The following ADGRB1 variants were observed in gnomAD, a reference collection of about 807,000 sequenced individuals.
The protein encoded by ADGRB1 is brain-specific angiogenesis inhibitor 1.
A neutral mutation model predicts 175.7 loss-of-function variants in ADGRB1; 36 were observed. The observed-to-expected ratio is 0.20, with a 90% confidence interval of 0.16 to 0.27. The LOEUF is 0.27. Ranked by LOEUF, ADGRB1 falls within the 10% of genes least tolerant of loss-of-function variation. The probability of loss-of-function intolerance (pLI) is 1.00; values close to 1 mark genes in which losing one functional copy is unlikely to be tolerated. For synonymous variants in ADGRB1, 1,054 were observed against 979.4 expected (o/e 1.08, Z -1.42); for missense variants, 1,731 against 2,255.3 (o/e 0.77, Z 4.71).
intron 2 of ADGRB1, among the ~76,000 whole-genome samples, chr8:142,466,136 T>G (rs1356439125): frequency 6.6e-6 from 1 of 151,932 alleles, no homozygotes; most frequent in African/African-American, 2.4e-5. Context: ...GGGTTTGAGT[T>G]TGCAATGCCA....
In ADGRB1 at chr8:142,542,081, G is replaced by A. The variant is rs745889625; in HGVS notation, c.3847G>A (p.Val1283Met). 1.4e-5 allele frequency: 23 copies of A among 1,613,146 alleles called. No homozygotes were observed. Among genetic ancestry groups the A allele is most frequent in the Admixed American group, 8.3e-5 (5 of 60,008 alleles). Residue 1283 changes from valine (V) to methionine (M), a missense_variant, in exon 28 of 31, where the codon GTG (valine) becomes ATG (methionine). By Grantham distance (21) the Val-to-Met change is conservative (BLOSUM62 1). Transcript: ENST00000517894. The surrounding 1 kb of genome is among the most constrained non-coding windows in gnomAD (Gnocchi z 6.3). ...CAATTTCAACAGCCTGCCGGCCAAC[G>A]TGTCCAAGCTGCACCTGCACGGCTC... ...PTNFNSLPAN[V>M]SKLHLHGSPR... is the part of the protein sequence containing the mutation.
At chr8:142,484,842 C>T (rs995363331) in intron 13 of ADGRB1, 78 bp downstream of exon 13, 52 of 1,142,356 alleles carry the variant, frequency 4.6e-5, no homozygotes, top group Non-Finnish European at 6.2e-5. Context: ...TCAGCATCCT[C>T]ATCTGTATAA....
chr8:142,476,385 T>C (rs1388986538), intron 3 of ADGRB1, among the ~76,000 whole-genome samples, 200 bp from the exon 4 acceptor site: 1 of 151,450 alleles, frequency 6.6e-6, no homozygotes, highest in African/African-American at 2.4e-5. Flanking sequence ...TGGCGCGGGG[T>C]ATGGGAGACA....
intron 18 of ADGRB1, among the ~76,000 whole-genome samples, chr8:142,513,835 G>C (rs1425886395): frequency 6.6e-6 from 1 of 152,086 alleles, no homozygotes; most frequent in African/African-American, 2.4e-5. Context: ...GTGGGCACAG[G>C]CGTGGGCTCA....
At chr8:142,522,184 C>A in intron 21 of ADGRB1, 69 bp downstream of exon 21, 1 of 1,559,092 alleles carries the variant, frequency 6.4e-7, no homozygotes, top group Non-Finnish European at 8.7e-7. Flanking sequence ...TCTGTCCTGG[C>A]AGCCCCTCCT....
At chr8:142,491,124 A>C (rs1587330998) in intron 17 of ADGRB1, among the ~76,000 whole-genome samples, 1 of 152,190 alleles carries the variant, frequency 6.6e-6, no homozygotes, top group East Asian at 1.9e-4. Flanking sequence ...CCCCATGCCC[A>C]CAGCAGGTGG....
chr8:142,531,309 G>A (rs1258142886), intron 24 of ADGRB1, among the ~76,000 whole-genome samples: 2 of 152,238 alleles, frequency 1.3e-5, no homozygotes, highest in African/African-American at 2.4e-5. Context: ...TTGATGGAGG[G>A]CCTCCTCATC....
chr8:142,500,562 G>T (rs531246735), intron 17 of ADGRB1, among the ~76,000 whole-genome samples: 11 of 151,620 alleles, frequency 7.3e-5, no homozygotes, highest in Non-Finnish European at 1.6e-4. Context: ...CTCAGCACCC[G>T]TGTCCCTGTC....
intron 13 of ADGRB1, among the ~76,000 whole-genome samples, chr8:142,487,990 A>T (rs1443720068): frequency 6.6e-6 from 1 of 152,118 alleles, no homozygotes; most frequent in Non-Finnish European, 1.5e-5. Context: ...GGGGGCGCTG[A>T]GGAGGTGCCT....
intron 18 of ADGRB1, among the ~76,000 whole-genome samples, chr8:142,517,073 G>C (rs1843489438): frequency 2.0e-5 from 3 of 152,308 alleles, no homozygotes; most frequent in South Asian, 2.1e-4. Context: ...GTCATGCGAA[G>C]AGGGGAAGGG....
chr8:142,480,783 G>T (rs1027358535), intron 9 of ADGRB1, among the ~76,000 whole-genome samples: 1 of 152,168 alleles, frequency 6.6e-6, no homozygotes, highest in Non-Finnish European at 1.5e-5. Context: ...TGTATCACAG[G>T]GTGTGCCGTG....
At chr8:142,512,221 G>A (rs932875402) in intron 18 of ADGRB1, among the ~76,000 whole-genome samples, 1 of 152,214 alleles carries the variant, frequency 6.6e-6, no homozygotes, top group African/African-American at 2.4e-5. Flanking sequence ...ACAGGGGTCT[G>A]TGTCCCTGAC....
chr8:142,509,335 G>A (rs552120246), intron 17 of ADGRB1, among the ~76,000 whole-genome samples: 73 of 152,332 alleles, frequency 4.8e-4, no homozygotes, highest in African/African-American at 1.6e-3. Context: ...ACTGAAGCAA[G>A]AGGTGGTATA....
chr8:142,536,667 C>T (rs140018714), intron 25 of ADGRB1, among the ~76,000 whole-genome samples: 215 of 151,850 alleles, frequency 1.4e-3, no homozygotes, highest in Non-Finnish European at 2.3e-3. Context: ...ATCTTCGGCC[C>T]GCTGCAGGTC....
chr8:142,475,588 AG>A lies in ADGRB1; in HGVS notation c.904del (p.Val302CysfsTer288). 1 of 1,250,964 alleles carries A rather than the reference AG, an allele frequency of 8.0e-7. No homozygotes were observed. The allele number at this position is 1,250,964 out of a possible 1,614,324, so 77.5% of individuals were successfully genotyped here. ...CCGGGCGTGGAGGGCGGCGGCTGCG[AG>A]GGGGTGCTGGAGGAGGGTCGCCAGT... is the stretch of plus-strand genomic sequence containing the variant. ...PAPGVEGGGC[E>X]GVLEEGRQCN... On this transcript the variant is annotated frameshift_variant, in exon 3 of 31. Transcript: ENST00000517894. LOFTEE classifies it high-confidence loss of function.
chr8:142,499,487 G>T (rs1027464439), intron 17 of ADGRB1, among the ~76,000 whole-genome samples: 1 of 152,228 alleles, frequency 6.6e-6, no homozygotes, highest in African/African-American at 2.4e-5. Flanking sequence ...GGCCAGTTCT[G>T]GGAGTGGGCT....
rs756918516 is a variant in ADGRB1, at chr8:142,518,250, C to T, written c.2921+9C>T. 1.1e-5 allele frequency: 17 copies of T among 1,612,900 alleles called. No homozygotes were observed. Among genetic ancestry groups the T allele is most frequent in the Admixed American group, 3.3e-5 (2 of 59,988 alleles). On this transcript the variant is annotated intron_variant, in intron 19 of 30. Coordinates refer to ENST00000517894, the MANE Select transcript of ADGRB1 (RefSeq NM_001702.3). Reference sequence around the variant, plus strand: ...TACGTGTCCGTGTGGAGGTGGGTGCCGCCCAGGTGCTGGGCATGCATGTCT... The same window carrying T: ...TACGTGTCCGTGTGGAGGTGGGTGCTGCCCAGGTGCTGGGCATGCATGTCT...
chr8:142,534,309 C>A (rs1004648694), intron 25 of ADGRB1, among the ~76,000 whole-genome samples: 1 of 152,172 alleles, frequency 6.6e-6, no homozygotes, highest in Admixed American at 6.5e-5. Flanking sequence ...CCTTAGGTGG[C>A]GATTTCCATC....
At chr8:142,512,070 G>A (rs1195933629) in intron 18 of ADGRB1, among the ~76,000 whole-genome samples, 2 of 152,242 alleles carry the variant, frequency 1.3e-5, no homozygotes, top group East Asian at 1.9e-4. Context: ...GGCAGGTGAT[G>A]TTGGCAGCTG....
Sources: gnomAD v4.1 joint callset for allele counts (sites outside exome capture counted in the v4.1 genomes callset) on GRCh38, gnomAD v4.1.1 for gene constraint, Gnocchi (gnomAD v3.1) non-coding constraint, MANE v1.5 for transcripts, NCBI Gene and HGNC (gene_info 2026-07-23, HGNC 2026-07-21) for gene names.